The following GULP1 variants were observed in gnomAD, a reference collection of about 807,000 sequenced individuals.
GULP1 encodes PTB domain-containing engulfment adapter protein 1.
A neutral mutation model predicts 40.9 loss-of-function variants in GULP1; 19 were observed. That is an observed-to-expected ratio of 0.46 (90% confidence interval 0.32 to 0.68). The LOEUF is 0.68. Among genes scored for constraint, GULP1 ranks in the 30% least tolerant of loss-of-function variants. The pLI is 0.03. For synonymous variants in GULP1, 119 were observed against 117.6 expected (o/e 1.01, Z -0.08); for missense variants, 312 against 362.2 (o/e 0.86, Z 1.12).
intron 2 of GULP1, among the ~76,000 whole-genome samples, chr2:188,431,062 C>T (rs4667226): frequency 0.17 from 26,545 of 152,002 alleles, 2,389 homozygotes; most frequent in East Asian, 0.24. Flanking sequence ...TCTGTAAACT[C>T]CCCCATATAT....
intron 2 of GULP1, among the ~76,000 whole-genome samples, chr2:188,465,950 T>C (rs907536281): frequency 6.6e-6 from 1 of 151,304 alleles, no homozygotes; most frequent in African/African-American, 2.5e-5. Context: ...TTGGCTCTTA[T>C]GAAGGTGTGT....
rs1430955087 is a variant in GULP1 at position 188,425,327 on chromosome 2, C to G, written c.-45+41438C>G. ...TTAGACATACTTGACATATTTCAACCTGTTGCAGTTTATTATTCTAATCCA... is the reference window on the plus strand; with the variant it reads ...TTAGACATACTTGACATATTTCAACGTGTTGCAGTTTATTATTCTAATCCA... On this transcript the variant is annotated intron_variant, in intron 2 of 11. Transcript: ENST00000409830. Among the ~76,000 whole-genome samples the G allele has an allele frequency of 2.0e-5, 3 of 152,096 alleles. No homozygotes were observed. The Middle Eastern group carries it at 0.01, about 517-fold the overall frequency.
intron 7 of GULP1, among the ~76,000 whole-genome samples, chr2:188,560,636 C>G (rs556432919): frequency 6.6e-6 from 1 of 152,272 alleles, no homozygotes; most frequent in Non-Finnish European, 1.5e-5. Context: ...ATACCTAAGA[C>G]TGGGTAATTT....
At chr2:188,499,877 A>T (rs1415776292) in intron 4 of GULP1, among the ~76,000 whole-genome samples, 1 of 151,944 alleles carries the variant, frequency 6.6e-6, no homozygotes, top group Admixed American at 6.6e-5. Context: ...ATTGAAGTAT[A>T]TATGAAAGAG....
chr2:188,396,276 C>T (rs2051254095), intron 2 of GULP1, among the ~76,000 whole-genome samples: 1 of 152,186 alleles, frequency 6.6e-6, no homozygotes, highest in South Asian at 2.1e-4. Flanking sequence ...GCCGGAGGGG[C>T]AAAGCCAGGT....
intron 2 of GULP1, among the ~76,000 whole-genome samples, chr2:188,386,642 C>T (rs2152523860): frequency 6.6e-6 from 1 of 152,076 alleles, no homozygotes; most frequent in East Asian, 1.9e-4. Context: ...GCATTAGTAG[C>T]ATTACTAGAA....
chr2:188,375,513 C>T lies in GULP1; in HGVS notation c.-171-8250C>T, dbSNP rs147029989. ...CACAGTTTCCTGATTTCCTTCATTCCAGCAGCTTCCATTGTGTGACTGTTT... is the reference window on the plus strand; with the variant it reads ...CACAGTTTCCTGATTTCCTTCATTCTAGCAGCTTCCATTGTGTGACTGTTT... On this transcript the variant is annotated intron_variant, in intron 1 of 11. Coordinates refer to ENST00000409830, the MANE Select transcript of GULP1 (RefSeq NM_016315.4). Among the ~76,000 whole-genome samples, 921 of 152,286 alleles carry T rather than the reference C, an allele frequency of 6.0e-3. 35 individuals carry two copies. The highest frequency in any genetic ancestry group is 0.056 in the Admixed American group (851 of 15,282).
At chr2:188,429,713 G>GTT (rs1285532269) in intron 2 of GULP1, among the ~76,000 whole-genome samples, 2 of 146,224 alleles carry the variant, frequency 1.4e-5, no homozygotes, top group African/African-American at 5.0e-5. Context: ...TATTTTTGTT[G>GTT]TTTTTTTTTT....
rs893085409 is a variant in GULP1, at chr2:188,292,159, T to G, written c.-179T>G. ...CCGAAGCCTGACCCGACTGCCTCTC[T>G]CAGTGAGGTACGGAGATTTATCTAG... On this transcript the variant is annotated 5_prime_UTR_variant, in exon 1 of 12. Transcript: ENST00000409830. This position sits in a 1 kb window ranked among gnomAD's most constrained non-coding sequence, Gnocchi z 4.0. The G allele has an allele frequency of 6.6e-6, 1 of 152,306 alleles. No homozygotes were observed. The highest frequency in any genetic ancestry group is 2.4e-5 in the African/African-American group (1 of 41,460). The allele number at this position is 152,306 out of a possible 1,614,324, so 9.4% of individuals were successfully genotyped here.
chr2:188,453,651 G>T (rs2059017334), intron 2 of GULP1, among the ~76,000 whole-genome samples: 1 of 152,176 alleles, frequency 6.6e-6, no homozygotes, highest in Non-Finnish European at 1.5e-5. Flanking sequence ...AAGATACAGA[G>T]AGCAATGGCC....
At position 188,363,808 on chromosome 2, in the gene GULP1, G is replaced by C. The variant is rs1429434960; in HGVS notation, c.-171-19955G>C. On this transcript the variant is annotated intron_variant, in intron 1 of 11. Transcript: ENST00000409830. ...CATTTGCAAGTTAAGAAATTTGAGA[G>C]AGGAGCAGCTTTAGCACTCATGAAA... 2.0e-5 allele frequency among the ~76,000 whole-genome samples: 3 copies of C among 152,242 alleles called. No homozygotes were observed. In the East Asian group the frequency reaches 5.8e-4, roughly 29 times the overall value.
intron 2 of GULP1, among the ~76,000 whole-genome samples, chr2:188,413,405 T>C (rs1375729835): frequency 1.3e-5 from 2 of 152,182 alleles, no homozygotes; most frequent in African/African-American, 2.4e-5. Context: ...TGGTATCTCA[T>C]TGTGGTTTTG....
At chr2:188,342,014 A>G (rs2043036444) in intron 1 of GULP1, among the ~76,000 whole-genome samples, 4 of 152,190 alleles carry the variant, frequency 2.6e-5, no homozygotes, top group Non-Finnish European at 4.4e-5. Flanking sequence ...GAGCAGATAT[A>G]TTTGAGATTT....
chr2:188,473,904 G>A (rs1016840614), intron 2 of GULP1, among the ~76,000 whole-genome samples: 4 of 152,258 alleles, frequency 2.6e-5, no homozygotes, highest in East Asian at 3.9e-4. Context: ...AAGCCAGCAA[G>A]CCTCAGAGTC....
At chr2:188,320,135 G>T (rs2039752829) in intron 1 of GULP1, among the ~76,000 whole-genome samples, 1 of 152,130 alleles carries the variant, frequency 6.6e-6, no homozygotes, top group African/African-American at 2.4e-5. Context: ...GGTGCCAAAT[G>T]TCCGCTGGGA....
At chr2:188,364,125 T>A (rs1228311815) in intron 1 of GULP1, among the ~76,000 whole-genome samples, 2 of 152,166 alleles carry the variant, frequency 1.3e-5, no homozygotes, top group Non-Finnish European at 2.9e-5. Context: ...TGTAGGTAAA[T>A]AATTAAATAA....
Position 188,477,671 on chromosome 2 carries a change from G to C in GULP1, c.-32G>C. On this transcript the variant is annotated 5_prime_UTR_variant, in exon 3 of 12. Transcript: ENST00000409830. ...GTCACTTTTACAGGATTTAAGTCGTGGAACTGAACATTTATTTGGCTGATC... is the reference window on the plus strand; with the variant it reads ...GTCACTTTTACAGGATTTAAGTCGTCGAACTGAACATTTATTTGGCTGATC... 1 of 1,571,146 alleles carries C rather than the reference G, an allele frequency of 6.4e-7. No individual in the cohort carries two copies. Among genetic ancestry groups the C allele is most frequent in the Non-Finnish European group, 8.7e-7 (1 of 1,153,306 alleles).
chr2:188,539,913 A>G (rs985559576), intron 6 of GULP1, among the ~76,000 whole-genome samples: 1 of 152,078 alleles, frequency 6.6e-6, no homozygotes, highest in Non-Finnish European at 1.5e-5. Context: ...TTTTGATTCA[A>G]CTGAGGTAAA....
At chr2:188,371,637 A>G (rs1043629599) in intron 1 of GULP1, among the ~76,000 whole-genome samples, 2 of 152,166 alleles carry the variant, frequency 1.3e-5, no homozygotes, top group South Asian at 2.1e-4. Flanking sequence ...TTACAAATTC[A>G]TCATGATCAG....
Sources: allele counts gnomAD v4.1 joint callset (sites outside exome capture counted in the v4.1 genomes callset), GRCh38; gene constraint gnomAD v4.1.1; non-coding constraint Gnocchi (gnomAD v3.1); transcripts MANE v1.5; gene names NCBI Gene and HGNC (gene_info 2026-07-23, HGNC 2026-07-21).